WWTR1: variants seen among roughly 807,000 people sequenced by gnomAD.
The protein encoded by WWTR1 is WW domain containing transcription regulator 1, also known as WW domain-containing transcription regulator protein 1.
WWTR1 carries 13 observed loss-of-function variants against 40.1 expected under a neutral mutation model. That is an observed-to-expected ratio of 0.32 (90% CI 0.21 to 0.52). The LOEUF (loss-of-function observed/expected upper bound fraction) is 0.52, where lower values mean the gene tolerates loss of function less well. WWTR1 is among the 20% of genes least tolerant of loss of function. The pLI is 0.97. For synonymous variants in WWTR1, 230 were observed against 210.1 expected (o/e 1.09, Z -0.82); for missense variants, 436 against 523.1 (o/e 0.83, Z 1.63).
chr3:149,535,829 A>G (rs1376084662), intron 4 of WWTR1, among the ~76,000 whole-genome samples: 1 of 152,156 alleles, frequency 6.6e-6, no homozygotes, highest in African/African-American at 2.4e-5. Flanking sequence ...CCTGGCCAAC[A>G]TGGCAAAACC....
chr3:149,557,307 G>A (rs987658157), intron 3 of WWTR1, among the ~76,000 whole-genome samples: 3 of 151,962 alleles, frequency 2.0e-5, no homozygotes, highest in African/African-American at 7.3e-5. Context: ...CCTGACCTCA[G>A]CTGATCCGCC....
chr3:149,622,502 G>GAAGAAAGAAAGAAAGAAAGAAAGA lies in WWTR1; in HGVS notation c.431+34350_431+34373dup, dbSNP rs60148340. On this transcript the variant is annotated intron_variant, in intron 2 of 6. Coordinates refer to ENST00000360632, the MANE Select transcript of WWTR1 (RefSeq NM_015472.6). Reference sequence around the variant, plus strand: ...GGAAGGAAGGAAGGAAGGAAGGAAGGAAGAAAGAAAGAAAGAAAGAAAGAA... The same window carrying GAAGAAAGAAAGAAAGAAAGAAAGA: ...GGAAGGAAGGAAGGAAGGAAGGAAGGAAGAAAGAAAGAAAGAAAGAAAGAAAGAAAGAAAGAAAGAAAGAAAGAA... 2.1e-3 allele frequency among the ~76,000 whole-genome samples: 99 copies of GAAGAAAGAAAGAAAGAAAGAAAGA among 46,302 alleles called. 4 individuals carry two copies. The highest frequency in any genetic ancestry group is 4.3e-3 in the South Asian group (5 of 1,158). The allele number at this position is 46,302 out of a possible 152,430, so 30.4% of individuals were successfully genotyped here.
chr3:149,653,026 C>A (rs1171725934), intron 2 of WWTR1, among the ~76,000 whole-genome samples: 1 of 152,094 alleles, frequency 6.6e-6, no homozygotes, highest in African/African-American at 2.4e-5. Context: ...TGAGAAAAGG[C>A]AAAACACTAA....
chr3:149,559,033 C>T (rs918963347), intron 3 of WWTR1, among the ~76,000 whole-genome samples: 5 of 152,124 alleles, frequency 3.3e-5, no homozygotes, highest in African/African-American at 1.2e-4. Context: ...GTGGCTCACG[C>T]CTGTATTCCC....
At chr3:149,698,562 C>G (rs1715068240) in intron 1 of WWTR1, among the ~76,000 whole-genome samples, 1 of 152,230 alleles carries the variant, frequency 6.6e-6, no homozygotes, top group Non-Finnish European at 1.5e-5. Flanking sequence ...CTGGTGGGGA[C>G]ACTGTGGTGG....
rs533270122 is a variant in WWTR1 at position 149,573,193 on chromosome 3, G to A, written c.432-193C>T. ...TGCATCCTGGTTAGGCCACACTGGG[G>A]ATTCTGCAAGCAGCTCTCTAAACAC... On this transcript the variant is annotated intron_variant, in intron 2 of 6. Coordinates refer to ENST00000360632, the MANE Select transcript of WWTR1 (RefSeq NM_015472.6). Among the ~76,000 whole-genome samples the A allele has an allele frequency of 6.6e-4, 101 of 152,198 alleles. 1 individual carries two copies. The South Asian group carries it at 7.9e-3, about 12-fold the overall frequency.
At chr3:149,583,775 A>T (rs74629189) in intron 2 of WWTR1, among the ~76,000 whole-genome samples, 3 of 152,284 alleles carry the variant, frequency 2.0e-5, no homozygotes, top group Admixed American at 6.5e-5. Context: ...TGCCTGTAAT[A>T]CCTAGGCCCT....
At chr3:149,536,291 A>C (rs111655293) in intron 4 of WWTR1, among the ~76,000 whole-genome samples, 16 of 152,208 alleles carry the variant, frequency 1.1e-4, no homozygotes, top group Non-Finnish European at 1.5e-5. Flanking sequence ...ACAAAATATT[A>C]GACTACGTGA....
chr3:149,577,678 G>A (rs1177461944), intron 2 of WWTR1, among the ~76,000 whole-genome samples: 2 of 152,190 alleles, frequency 1.3e-5, no homozygotes, highest in Non-Finnish European at 2.9e-5. Context: ...AAACCATGTC[G>A]TGTGAAATCA....
At chr3:149,649,190 C>T (rs1361729480) in intron 2 of WWTR1, 1 of 152,132 alleles carries the variant, frequency 6.6e-6, no homozygotes, top group Non-Finnish European at 1.5e-5. Context: ...CAGGGTTTCT[C>T]CATGTTGGTC....
chr3:149,698,553 T>C (rs1043360267), intron 1 of WWTR1, among the ~76,000 whole-genome samples: 8 of 152,246 alleles, frequency 5.3e-5, no homozygotes, highest in African/African-American at 1.9e-4. Context: ...GGCAGTGCCC[T>C]GGTGGGGACA....
At chr3:149,569,457 C>A (rs1243651285) in intron 3 of WWTR1, among the ~76,000 whole-genome samples, 1 of 152,062 alleles carries the variant, frequency 6.6e-6, no homozygotes, top group East Asian at 1.9e-4. Flanking sequence ...AAAGCACAGA[C>A]AAATAACTTA....
intron 1 of WWTR1, among the ~76,000 whole-genome samples, chr3:149,686,887 A>C (rs1714673209): frequency 1.3e-5 from 2 of 152,088 alleles, no homozygotes. Context: ...CATCTGTTGC[A>C]CATTTTATGG....
intron 2 of WWTR1, among the ~76,000 whole-genome samples, chr3:149,585,121 C>CGT (rs61655468): frequency 0.11 from 15,709 of 144,300 alleles, 989 homozygotes; most frequent in African/African-American, 0.18. Context: ...TGATTTCTTT[C>CGT]GTGTGTGTGT....
At chr3:149,596,328 G>A (rs575834784) in intron 2 of WWTR1, among the ~76,000 whole-genome samples, 1 of 152,300 alleles carries the variant, frequency 6.6e-6, no homozygotes, top group East Asian at 1.9e-4. Context: ...ACAGCCTTCA[G>A]GAATTCATTT....
chr3:149,724,578 A>T (rs531724259), intron 3 of WWTR1: 19 of 152,292 alleles, frequency 1.2e-4, no homozygotes, highest in African/African-American at 3.9e-4. Context: ...AACCCTAGAA[A>T]AAAAGGTGCA....
intron 2 of WWTR1, among the ~76,000 whole-genome samples, chr3:149,628,655 GCT>G (rs144109024): frequency 0.039 from 5,931 of 152,196 alleles, 151 homozygotes; most frequent in African/African-American, 0.066. Flanking sequence ...CTCAAGTCCA[GCT>G]CTTTCAGACT....
chr3:149,533,159 C>T (rs1018668428), intron 4 of WWTR1, among the ~76,000 whole-genome samples: 2 of 152,208 alleles, frequency 1.3e-5, no homozygotes, highest in South Asian at 2.1e-4. Flanking sequence ...AACAAACCTT[C>T]AGTTTCCTAG....
rs141898725 is a variant in WWTR1, at chr3:149,619,518, G to A, written c.431+37358C>T. On this transcript the variant is annotated intron_variant, in intron 2 of 6. Coordinates refer to ENST00000360632, the MANE Select transcript of WWTR1 (RefSeq NM_015472.6). ...TGCTCCTGCAGTCCCAGCTACTCAG[G>A]AGGCTGAGGCGGGAGTATCACTTGA... Among the ~76,000 whole-genome samples, 337 of 152,256 alleles carry A rather than the reference G, an allele frequency of 2.2e-3. 2 individuals carry two copies. Among genetic ancestry groups the A allele is most frequent in the African/African-American group, 7.8e-3 (326 of 41,540 alleles).
Sources: gnomAD v4.1 joint callset for allele counts (sites outside exome capture counted in the v4.1 genomes callset) on GRCh38, gnomAD v4.1.1 for gene constraint, MANE v1.5 for transcripts, NCBI Gene and HGNC (gene_info 2026-07-23, HGNC 2026-07-21) for gene names.